Variants in TENM3 observed in about 807,000 individuals in gnomAD.
TENM3 encodes teneurin-3.
In TENM3, 63 loss-of-function variants were observed where a neutral mutation model predicts 255.1. The observed-to-expected ratio is 0.25, with a 90% CI of 0.20 to 0.30. TENM3 has a LOEUF of 0.30. Ranked by LOEUF, TENM3 falls within the 10% of genes least tolerant of loss-of-function variation. The pLI is 1.00. For synonymous variants in TENM3, 1,306 were observed against 1,322.3 expected, an observed-to-expected ratio of 0.99 and a Z score of 0.27; for missense variants, 2,929 against 3,461.1, an observed-to-expected ratio of 0.85 and a Z score of 3.86.
In TENM3 at chr4:182,356,841, A is replaced by G. The variant is rs181929240; in HGVS notation, c.511+9912A>G. ...ACTAACTCGTCATCTAGCATTAGGT[A>G]TATCTCCCAATGCTCTCCCTCCTCC... On this transcript the variant is annotated intron_variant, in intron 3 of 27. Transcript: ENST00000511685. Among the ~76,000 whole-genome samples, 462 of 147,502 alleles carry G rather than the reference A, an allele frequency of 3.1e-3. 2 individuals carry two copies. Among genetic ancestry groups the G allele is most frequent in the Non-Finnish European group, 5.1e-3 (339 of 66,778 alleles).
intron 13 of TENM3, among the ~76,000 whole-genome samples, chr4:182,715,674 G>C (rs1759099890): frequency 6.6e-6 from 1 of 152,080 alleles, no homozygotes; most frequent in Non-Finnish European, 1.5e-5. Flanking sequence ...TATACCTATA[G>C]AGGGCCTCAA....
At chr4:182,056,546 G>A in the TENM3 span, among the ~76,000 whole-genome samples, 1 of 152,222 alleles carries the variant, frequency 6.6e-6, no homozygotes, top group East Asian at 1.9e-4. Flanking sequence ...TTTTACACAG[G>A]ATAAACCACC....
At chr4:181,954,598 T>C in the TENM3 span, among the ~76,000 whole-genome samples, 1 of 152,186 alleles carries the variant, frequency 6.6e-6, no homozygotes, top group East Asian at 1.9e-4. Flanking sequence ...CTTTTTGTCT[T>C]TTTTATTATT....
At chr4:182,023,555 G>A in the TENM3 span, among the ~76,000 whole-genome samples, 8 of 152,208 alleles carry the variant, frequency 5.3e-5, no homozygotes, top group East Asian at 7.7e-4. Context: ...ATTTCTGACC[G>A]ACCCCTCCTG....
the TENM3 span, among the ~76,000 whole-genome samples, chr4:182,079,195 A>G: frequency 3.9e-5 from 6 of 152,274 alleles, no homozygotes; most frequent in East Asian, 9.7e-4. Context: ...TGAAAATTCA[A>G]TATTAGGTGC....
At chr4:182,053,324 G>GTGGA in the TENM3 span, among the ~76,000 whole-genome samples, 1 of 152,190 alleles carries the variant, frequency 6.6e-6, no homozygotes, top group Non-Finnish European at 1.5e-5. Context: ...TTAGCGTTTA[G>GTGGA]TGGATACACA....
At chr4:181,862,797 T>A in the TENM3 span, among the ~76,000 whole-genome samples, 1 of 152,162 alleles carries the variant, frequency 6.6e-6, no homozygotes, top group Non-Finnish European at 1.5e-5. Flanking sequence ...TTTAGAGCAA[T>A]AGAGCACTGT....
chr4:182,334,657 A>G (rs1354056386), intron 2 of TENM3, among the ~76,000 whole-genome samples: 1 of 152,138 alleles, frequency 6.6e-6, no homozygotes, highest in African/African-American at 2.4e-5. Context: ...ATCCTAGTAT[A>G]TAGGTAAATT....
At chr4:181,530,213 G>T in the TENM3 span, among the ~76,000 whole-genome samples, 1 of 152,314 alleles carries the variant, frequency 6.6e-6, no homozygotes, top group Non-Finnish European at 1.5e-5. Flanking sequence ...AGGACAGTGA[G>T]ATGCTTAAAA....
At chr4:182,051,393 TTG>T in the TENM3 span, among the ~76,000 whole-genome samples, 2 of 150,358 alleles carry the variant, frequency 1.3e-5, no homozygotes, top group Non-Finnish European at 1.5e-5. Context: ...TTTTTTTTTT[TTG>T]GAGATGGAGT....
chr4:182,572,909 T>C (rs1260422889), intron 3 of TENM3, among the ~76,000 whole-genome samples: 1 of 152,110 alleles, frequency 6.6e-6, no homozygotes, highest in East Asian at 1.9e-4. Flanking sequence ...GCAGTGGCAG[T>C]TGGGGAGTAG....
intron 3 of TENM3, among the ~76,000 whole-genome samples, chr4:182,456,390 A>T (rs1339593473): frequency 2.0e-5 from 3 of 152,220 alleles, no homozygotes; most frequent in Non-Finnish European, 4.4e-5. Flanking sequence ...GGCTTCTCTG[A>T]AGACCTTTTG....
chr4:182,371,482 G>A (rs1037004544), intron 3 of TENM3, among the ~76,000 whole-genome samples: 1 of 152,096 alleles, frequency 6.6e-6, no homozygotes, highest in African/African-American at 2.4e-5. Flanking sequence ...TCACCATGAT[G>A]TTTCTGAAAC....
intron 1 of TENM3, among the ~76,000 whole-genome samples, chr4:182,210,013 C>G (rs952946857): frequency 6.6e-6 from 1 of 152,146 alleles, no homozygotes; most frequent in African/African-American, 2.4e-5. Context: ...CAACCTCCAG[C>G]CCTCCCCAGC....
At chr4:181,922,037 T>C in the TENM3 span, among the ~76,000 whole-genome samples, 87 of 152,300 alleles carry the variant, frequency 5.7e-4, no homozygotes, top group African/African-American at 1.9e-3. Context: ...GGATTACATT[T>C]ATTGATTTGC....
the TENM3 span, among the ~76,000 whole-genome samples, chr4:181,930,570 C>A: frequency 6.6e-6 from 1 of 152,140 alleles, no homozygotes; most frequent in South Asian, 2.1e-4. Flanking sequence ...GGATTCACAG[C>A]CGAATTCTAC....
intron 6 of TENM3, among the ~76,000 whole-genome samples, chr4:182,658,052 C>T (rs1167104683): frequency 1.3e-5 from 2 of 152,190 alleles, no homozygotes; most frequent in Admixed American, 1.3e-4. Flanking sequence ...GTACCCCTAG[C>T]TCATGACTTG....
At chr4:181,793,008 A>G in the TENM3 span, among the ~76,000 whole-genome samples, 1 of 152,120 alleles carries the variant, frequency 6.6e-6, no homozygotes, top group Non-Finnish European at 1.5e-5. Context: ...TTCCACATTA[A>G]AAAAATAAAT....
chr4:182,190,582 CA>C (rs1247266930), intron 1 of TENM3, among the ~76,000 whole-genome samples: 5 of 152,272 alleles, frequency 3.3e-5, no homozygotes, highest in African/African-American at 9.6e-5. Context: ...TGACAATTAA[CA>C]GACCAGTGGA....
Sources: allele counts gnomAD v4.1 joint callset (sites outside exome capture counted in the v4.1 genomes callset), GRCh38; gene constraint gnomAD v4.1.1; transcripts MANE v1.5; gene names NCBI Gene and HGNC (gene_info 2026-07-23, HGNC 2026-07-21).